VGLL4: variants seen among roughly 807,000 people sequenced by gnomAD.
VGLL4 encodes the protein transcription cofactor vestigial-like protein 4.
A neutral mutation model predicts 21.0 loss-of-function variants in VGLL4; 7 were observed. That is an observed-to-expected ratio of 0.33 (90% CI 0.19 to 0.63). VGLL4 has a LOEUF of 0.63. Ranked by LOEUF, VGLL4 falls within the 20% of genes least tolerant of loss-of-function variation. The pLI, the probability that VGLL4 is intolerant of heterozygous loss-of-function variation, is 0.78. For missense variants in VGLL4, 394 were observed against 425.7 expected (o/e 0.93, Z 0.66); for synonymous variants, 222 against 173.2 (o/e 1.28, Z -2.21).
At chr3:11,667,946 C>A (rs111624993) in intron 2 of VGLL4, among the ~76,000 whole-genome samples, 6,711 of 145,928 alleles carry the variant, frequency 0.046, 195 homozygotes, top group Non-Finnish European at 0.061. Flanking sequence ...CTCCGCCTCC[C>A]GGGTTCAAGC....
At chr3:11,611,200 G>T (rs951092782) in intron 1 of VGLL4, among the ~76,000 whole-genome samples, 11 of 152,302 alleles carry the variant, frequency 7.2e-5, no homozygotes, top group Non-Finnish European at 1.5e-4. Context: ...GAATTAACAC[G>T]TTAAAGTCCC....
chr3:11,710,895 T>C (rs1017892987), intron 1 of VGLL4, among the ~76,000 whole-genome samples: 1 of 150,264 alleles, frequency 6.7e-6, no homozygotes, highest in Non-Finnish European at 1.5e-5. Context: ...AGGTCAGGAG[T>C]TCGAAACCAG....
rs536402408 is a variant in VGLL4, at chr3:11,596,306, A to C, written c.272+5527T>G. On this transcript the variant is annotated intron_variant, in intron 2 of 4. Transcript: ENST00000430365. ...AATAATACAACAATACTGAGGAGAAAAGGGAAAGTAACTCTTCAAATTCAT... is the reference window on the plus strand; with the variant it reads ...AATAATACAACAATACTGAGGAGAACAGGGAAAGTAACTCTTCAAATTCAT... Among the ~76,000 whole-genome samples the C allele has an allele frequency of 4.6e-5, 7 of 152,332 alleles. No individual in the cohort carries two copies. The South Asian group carries it at 1.5e-3, about 32-fold the overall frequency.
intron 1 of VGLL4, among the ~76,000 whole-genome samples, chr3:11,602,448 T>G (rs888125905): frequency 1.3e-5 from 2 of 149,422 alleles, no homozygotes; most frequent in African/African-American, 2.5e-5. Context: ...GCTTGTTCTG[T>G]TTTTTTTTTC....
At chr3:11,576,313 T>C (rs1243098331) in intron 2 of VGLL4, among the ~76,000 whole-genome samples, 1 of 152,236 alleles carries the variant, frequency 6.6e-6, no homozygotes, top group Non-Finnish European at 1.5e-5. Context: ...TGAATGGAGA[T>C]GTTGCTGAGA....
chr3:11,693,265 A>G (rs1575536926), intron 2 of VGLL4: 3 of 156,848 alleles, frequency 1.9e-5, no homozygotes, highest in Middle Eastern at 1.1e-3. Context: ...ATTAGTAGCA[A>G]CAGTGATCTT....
intron 2 of VGLL4, among the ~76,000 whole-genome samples, chr3:11,588,001 G>GGCC (rs1364804541): frequency 3.9e-5 from 6 of 152,196 alleles, no homozygotes; most frequent in African/African-American, 1.4e-4. Flanking sequence ...GGAGAGCGGT[G>GGCC]GCGCTCTGTT....
At position 11,601,925 on chromosome 3, in the gene VGLL4, G is replaced by A; in HGVS notation, c.180C>T (p.Ser60=). ...CTGGCTCCATGCTGAACTTCCTCTTGCTGGGGCTGATTGGGGGAGGGCCGG... is the reference window on the plus strand; with the variant it reads ...CTGGCTCCATGCTGAACTTCCTCTTACTGGGGCTGATTGGGGGAGGGCCGG... The part of the protein sequence containing the change: ...HRTGPPPISP[S]KRKFSMEPGD... Residue 60 remains serine, a synonymous_variant, in exon 2 of 5, where the codon AGC becomes AGT. Transcript: ENST00000430365. 2 of 1,613,776 alleles carry A rather than the reference G, an allele frequency of 1.2e-6. No individual in the cohort carries two copies. Among genetic ancestry groups the A allele is most frequent in the East Asian group, 2.2e-5 (1 of 44,818 alleles).
At chr3:11,626,131 C>T (rs2075348349) in intron 1 of VGLL4, among the ~76,000 whole-genome samples, 1 of 152,198 alleles carries the variant, frequency 6.6e-6, no homozygotes, top group South Asian at 2.1e-4. Flanking sequence ...AGAGCCAGCA[C>T]TGGAGAGAGT....
chr3:11,697,957 A>G (rs2076627564), intron 2 of VGLL4, among the ~76,000 whole-genome samples: 1 of 152,242 alleles, frequency 6.6e-6, no homozygotes, highest in Admixed American at 6.5e-5. Flanking sequence ...GATCATCTGC[A>G]TATTCATTCA....
At position 11,561,875 on chromosome 3, in the gene VGLL4, G is replaced by A. The variant is rs193022314; in HGVS notation, c.496-2420C>T. On this transcript the variant is annotated intron_variant, in intron 3 of 4. Coordinates refer to ENST00000430365, the MANE Select transcript of VGLL4 (RefSeq NM_001128219.3). ...TCTCCTATCTGAAAGCAACCCCCAA[G>A]GCTGGCTGCGCCAAACTTTTTTTTT... Among the ~76,000 whole-genome samples, 739 of 150,210 alleles carry A rather than the reference G, an allele frequency of 4.9e-3. 4 individuals are homozygous for A. Among genetic ancestry groups the A allele is most frequent in the Non-Finnish European group, 7.7e-3 (524 of 67,706 alleles).
chr3:11,683,489 T>G (rs2076403849), intron 2 of VGLL4, among the ~76,000 whole-genome samples: 1 of 152,186 alleles, frequency 6.6e-6, no homozygotes, highest in African/African-American at 2.4e-5. Flanking sequence ...ATGTGTACAT[T>G]TGTTGCAACA....
chr3:11,691,680 G>A (rs1412323666), intron 2 of VGLL4, among the ~76,000 whole-genome samples: 2 of 152,042 alleles, frequency 1.3e-5, no homozygotes, highest in African/African-American at 2.4e-5. Flanking sequence ...GCACCAGCCC[G>A]CCCCACCCCT....
rs10592668 is a variant in VGLL4, at chr3:11,590,663, AGTGTGTGT to A, written c.272+11162_272+11169del. On this transcript the variant is annotated intron_variant, in intron 2 of 4. Transcript: ENST00000430365. ...TCTGTGAAGAAATTTCAAAATGAAG[AGTGTGTGT>A]GTGTGTGTGTGTGTGTGTGTGTGTG... Among the ~76,000 whole-genome samples, 1,116 of 147,344 alleles carry A rather than the reference AGTGTGTGT, an allele frequency of 7.6e-3. 14 individuals are homozygous for A. Among genetic ancestry groups the A allele is most frequent in the Middle Eastern group, 0.028 (8 of 290 alleles).
chr3:11,561,172 G>A (rs946359593), intron 3 of VGLL4, among the ~76,000 whole-genome samples: 2 of 152,138 alleles, frequency 1.3e-5, no homozygotes, highest in African/African-American at 2.4e-5. Flanking sequence ...GTGCTCAGCC[G>A]GCTTGTTCTT....
In VGLL4 at chr3:11,601,371, C is replaced by T. The variant is rs184840834; in HGVS notation, c.272+462G>A. Among the ~76,000 whole-genome samples the T allele has an allele frequency of 2.0e-4, 31 of 152,286 alleles. No individual in the cohort carries two copies. In the East Asian group the frequency reaches 5.0e-3, roughly 25 times the overall value. On this transcript the variant is annotated intron_variant, in intron 2 of 4. Coordinates refer to ENST00000430365, the MANE Select transcript of VGLL4 (RefSeq NM_001128219.3). ...ACATAAGGTGGGATGAACACTTCTT[C>T]GTGTGTACAATCCTAGACTCCTGAG...
chr3:11,693,904 T>C (rs1443217683), intron 2 of VGLL4, among the ~76,000 whole-genome samples: 2 of 152,176 alleles, frequency 1.3e-5, no homozygotes, highest in Non-Finnish European at 2.9e-5. Flanking sequence ...TTGTTTTTGT[T>C]TTTTTAATCA....
chr3:11,643,315 GC>G, intron 1 of VGLL4, 121 bp downstream of exon 1: 1 of 1,470,002 alleles, frequency 6.8e-7, no homozygotes, highest in Non-Finnish European at 9.3e-7. Flanking sequence ...AGAAACGCCG[GC>G]CTTTCAAGTG....
chr3:11,676,243 C>T (rs1429051713), intron 2 of VGLL4, among the ~76,000 whole-genome samples: 1 of 151,664 alleles, frequency 6.6e-6, no homozygotes, highest in South Asian at 2.1e-4. Context: ...AAAAATTAGC[C>T]GGGTGTGGTG....
Sources: allele counts gnomAD v4.1 joint callset (sites outside exome capture counted in the v4.1 genomes callset), GRCh38; gene constraint gnomAD v4.1.1; transcripts MANE v1.5; gene names NCBI Gene and HGNC (gene_info 2026-07-23, HGNC 2026-07-21).